The following VRK2 variants were observed in gnomAD, a reference collection of about 807,000 sequenced individuals.
The protein encoded by VRK2 is VRK serine/threonine kinase 2.
Under a neutral mutation model 57.6 loss-of-function variants are expected in VRK2, and 60 were observed. That is an observed-to-expected ratio of 1.04 (90% CI 0.85 to 1.29). The LOEUF (loss-of-function observed/expected upper bound fraction) is 1.29, where lower values mean the gene tolerates loss of function less well. VRK2 is among the 50% of genes most tolerant of loss of function. VRK2 has a pLI of 0.00. For missense variants in VRK2, 705 were observed against 588.1 expected, an observed-to-expected ratio of 1.20 and a Z score of -2.06; for synonymous variants, 231 against 199.2, an observed-to-expected ratio of 1.16 and a Z score of -1.35.
intron 8 of VRK2, among the ~76,000 whole-genome samples, chr2:58,131,343 G>A (rs1679157087): frequency 6.6e-6 from 1 of 150,956 alleles, no homozygotes; most frequent in African/African-American, 2.4e-5. Context: ...AGTGTGAGTG[G>A]AACAGGAAAG....
chr2:57,927,190 T>A (rs1160041091), intron 1 of VRK2, among the ~76,000 whole-genome samples: 3 of 152,028 alleles, frequency 2.0e-5, no homozygotes, highest in Non-Finnish European at 4.4e-5. Context: ...ACTTTTGAAC[T>A]TTTTGTTGTT....
intron 1 of VRK2, among the ~76,000 whole-genome samples, chr2:57,925,474 AT>A (rs1670501242): frequency 6.6e-6 from 1 of 152,012 alleles, no homozygotes; most frequent in Non-Finnish European, 1.5e-5. Context: ...GGATTTTCCA[AT>A]TTATTGGCAT....
chr2:58,023,439 T>C (rs1192208924), intron 1 of VRK2, among the ~76,000 whole-genome samples: 1 of 152,232 alleles, frequency 6.6e-6, no homozygotes, highest in Non-Finnish European at 1.5e-5. Context: ...ACCCTTTGGT[T>C]GCTTCTTGGC....
At chr2:58,123,566 T>C (rs1677854003) in intron 8 of VRK2, among the ~76,000 whole-genome samples, 1 of 152,110 alleles carries the variant, frequency 6.6e-6, no homozygotes. Context: ...ACAGATTTGG[T>C]AAAGTTGCAT....
intron 2 of VRK2, among the ~76,000 whole-genome samples, chr2:58,033,023 A>G (rs1674163467): frequency 6.6e-6 from 1 of 152,110 alleles, no homozygotes; most frequent in African/African-American, 2.4e-5. Flanking sequence ...ATATCATCAC[A>G]TTGGGTGTTA....
chr2:57,988,289 ATTTC>A (rs1672661867), intron 1 of VRK2, among the ~76,000 whole-genome samples: 3 of 152,024 alleles, frequency 2.0e-5, no homozygotes, highest in Non-Finnish European at 4.4e-5. Context: ...TAGTTTTATG[ATTTC>A]TACTTCTTGA....
At chr2:57,949,248 T>G (rs1671352702) in intron 1 of VRK2, among the ~76,000 whole-genome samples, 1 of 152,216 alleles carries the variant, frequency 6.6e-6, no homozygotes, top group African/African-American at 2.4e-5. Context: ...AGGTATACCC[T>G]GTTTTATTGC....
At chr2:57,967,010 T>C (rs1319261363) in intron 1 of VRK2, among the ~76,000 whole-genome samples, 1 of 152,192 alleles carries the variant, frequency 6.6e-6, no homozygotes, top group East Asian at 1.9e-4. Context: ...TTTAAGTGTC[T>C]ATATTTGGAA....
chr2:58,126,807 G>C (rs1678419837), intron 8 of VRK2, among the ~76,000 whole-genome samples: 1 of 151,898 alleles, frequency 6.6e-6, no homozygotes, highest in African/African-American at 2.4e-5. Flanking sequence ...CTTATTGTCT[G>C]ATAATTAAAG....
chr2:58,061,270 G>A (rs1232463988), intron 2 of VRK2, among the ~76,000 whole-genome samples: 1 of 151,884 alleles, frequency 6.6e-6, no homozygotes, highest in Admixed American at 6.6e-5. Flanking sequence ...AGCTAAGTTA[G>A]AGTTTATTAG....
At chr2:58,126,624 A>T (rs1462107217) in intron 8 of VRK2, among the ~76,000 whole-genome samples, 1 of 152,062 alleles carries the variant, frequency 6.6e-6, no homozygotes, top group African/African-American at 2.4e-5. Context: ...TTTTTTAAAA[A>T]TTGTGTTTAT....
intron 1 of VRK2, among the ~76,000 whole-genome samples, chr2:57,911,604 G>A (rs1046871019): frequency 1.3e-5 from 2 of 152,098 alleles, no homozygotes; most frequent in African/African-American, 2.4e-5. Context: ...GGTAAGTACT[G>A]GAAAGAGGGA....
intron 1 of VRK2, among the ~76,000 whole-genome samples, chr2:57,994,798 T>C (rs966187703): frequency 1.3e-4 from 20 of 152,180 alleles, no homozygotes; most frequent in African/African-American, 4.8e-4. Flanking sequence ...AATAAACTCA[T>C]TATATGTTAA....
chr2:58,023,221 A>G (rs548353280), intron 1 of VRK2, among the ~76,000 whole-genome samples: 1 of 152,352 alleles, frequency 6.6e-6, no homozygotes, highest in South Asian at 2.1e-4. Context: ...AAATAAGTTG[A>G]ATCATACCGT....
At chr2:58,135,096 A>G in intron 9 of VRK2, 45 bp from the exon 10 acceptor site, 1 of 1,599,336 alleles carries the variant, frequency 6.3e-7, no homozygotes, top group Non-Finnish European at 8.6e-7. Flanking sequence ...AAATAATCAC[A>G]GGGTTGAAAA....
At chr2:57,922,791 A>G (rs1670396564) in intron 1 of VRK2, among the ~76,000 whole-genome samples, 2 of 152,076 alleles carry the variant, frequency 1.3e-5, no homozygotes, top group South Asian at 4.1e-4. Flanking sequence ...ATAATAAATT[A>G]TTGTCGATTA....
chr2:58,000,061 A>C (rs1432725529), intron 1 of VRK2, among the ~76,000 whole-genome samples: 2 of 152,136 alleles, frequency 1.3e-5, no homozygotes, highest in Non-Finnish European at 2.9e-5. Flanking sequence ...TTTCTACCTA[A>C]GAATGCAAAT....
chr2:57,995,324 T>C (rs1672891444), intron 1 of VRK2, among the ~76,000 whole-genome samples: 2 of 152,224 alleles, frequency 1.3e-5, no homozygotes, highest in South Asian at 4.1e-4. Context: ...CATTGATTAA[T>C]ATCACCACCA....
chr2:57,914,299 C>T (rs1670081353), intron 1 of VRK2, among the ~76,000 whole-genome samples: 3 of 148,894 alleles, frequency 2.0e-5, no homozygotes, highest in Non-Finnish European at 4.5e-5. Flanking sequence ...TGGAAATTAT[C>T]TCATAAAATG....
Sources: gnomAD v4.1 joint callset for allele counts (sites outside exome capture counted in the v4.1 genomes callset) on GRCh38, gnomAD v4.1.1 for gene constraint, MANE v1.5 for transcripts, NCBI Gene and HGNC (gene_info 2026-07-23, HGNC 2026-07-21) for gene names.